Variants in SPAG17 observed in about 807,000 individuals in gnomAD.
SPAG17 encodes sperm associated antigen 17, also known as sperm-associated antigen 17.
In SPAG17, 169 loss-of-function variants were observed where a neutral mutation model predicts 273.6. That is an observed-to-expected ratio of 0.62 (90% CI 0.55 to 0.70). The LOEUF (loss-of-function observed/expected upper bound fraction) is 0.70, where lower values mean the gene tolerates loss of function less well. SPAG17 is among the 30% of genes least tolerant of loss of function. SPAG17 has a pLI of 0.00. For missense variants in SPAG17, 2,557 were observed against 2,627.8 expected (o/e 0.97, Z 0.59); for synonymous variants, 825 against 873.2 (o/e 0.94, Z 0.97).
At chr1:118,038,526 C>T (rs1349198154) in intron 23 of SPAG17, among the ~76,000 whole-genome samples, 1 of 152,136 alleles carries the variant, frequency 6.6e-6, no homozygotes, top group Non-Finnish European at 1.5e-5. Context: ...ACCAAGATGT[C>T]CTTCAGTAGG....
In SPAG17 at chr1:118,054,011, G is replaced by A; in HGVS notation, c.2805C>T (p.Gly935=). 1 of 1,605,476 alleles carries A rather than the reference G, an allele frequency of 6.2e-7. No homozygotes were observed. Among genetic ancestry groups the A allele is most frequent in the East Asian group, 2.2e-5 (1 of 44,808 alleles). ...ATGTAAGCTGGATTACCTTGAGAGA[G>A]CCTTCTAAAATGAAAGGAATCTTTT... ...EKEKIPFILE[G]SLKAWKEEQH... The change falls in exon 20 of 49, where the codon GGC becomes GGT. Residue 935 remains glycine, a synonymous_variant. Transcript: ENST00000336338.
chr1:118,017,513 G>A (rs1040989307), intron 28 of SPAG17, among the ~76,000 whole-genome samples: 8 of 152,124 alleles, frequency 5.3e-5, no homozygotes, highest in Non-Finnish European at 1.0e-4. Context: ...GACTTTAGCA[G>A]TACGTTAGAG....
At chr1:118,089,561 G>T (rs948338895) in intron 10 of SPAG17, among the ~76,000 whole-genome samples, 3 of 152,092 alleles carry the variant, frequency 2.0e-5, no homozygotes, top group African/African-American at 7.2e-5. Context: ...CCTAACAGCT[G>T]CTAGAAAGAA....
chr1:118,108,705 T>C lies in SPAG17; in HGVS notation c.447+6605A>G, dbSNP rs1404503543. On this transcript the variant is annotated intron_variant, in intron 4 of 48. Transcript: ENST00000336338. ...AAGAGTCAAGTTTGCCACAGATTAC[T>C]TTTTTTTTTTTTTAATGCAGTATGT... 3.0e-5 allele frequency among the ~76,000 whole-genome samples: 4 copies of C among 135,486 alleles called. No homozygotes were observed. In the East Asian group the frequency reaches 8.3e-4, roughly 28 times the overall value. 88.9% of individuals were successfully genotyped at this position (135,486 alleles called of 152,430 possible).
chr1:118,163,023 T>C lies in SPAG17; in HGVS notation c.88-11654A>G, dbSNP rs139845446. Among the ~76,000 whole-genome samples the C allele has an allele frequency of 2.9e-3, 445 of 152,290 alleles. 2 individuals carry two copies. Among genetic ancestry groups the C allele is most frequent in the Non-Finnish European group, 4.7e-3 (317 of 68,016 alleles). On this transcript the variant is annotated intron_variant, in intron 1 of 48. Coordinates refer to ENST00000336338, the MANE Select transcript of SPAG17 (RefSeq NM_206996.4). The stretch of plus-strand genomic sequence containing the variant: ...TTCCATCCATATTAGTGTTTGCTTC[T>C]GAGAAGAAAGAGAAAGAAATGGAAC...
intron 45 of SPAG17, among the ~76,000 whole-genome samples, chr1:117,970,697 G>A (rs1160059951): frequency 6.6e-6 from 1 of 152,126 alleles, no homozygotes; most frequent in Non-Finnish European, 1.5e-5. Flanking sequence ...AAATTAAAAT[G>A]CCAAGGAAAG....
At chr1:118,083,529 G>C (rs960983290) in intron 13 of SPAG17, among the ~76,000 whole-genome samples, 17 of 152,008 alleles carry the variant, frequency 1.1e-4, no homozygotes, top group Admixed American at 1.0e-3. Context: ...GCTCGCTCCT[G>C]TAATCCCAGC....
At chr1:117,957,042 T>G (rs1557829384) in intron 48 of SPAG17, 2 of 1,535,168 alleles carry the variant, frequency 1.3e-6, no homozygotes, top group East Asian at 2.4e-5. Flanking sequence ...AATGTGGCAT[T>G]TTTATATTTA....
chr1:118,179,619 C>T (rs1407699613), intron 1 of SPAG17, among the ~76,000 whole-genome samples: 1 of 151,918 alleles, frequency 6.6e-6, no homozygotes, highest in Non-Finnish European at 1.5e-5. Context: ...AAAAGCTCTG[C>T]ACAGCAAAGA....
chr1:118,045,138 C>A lies in SPAG17; in HGVS notation c.2815-3096G>T, dbSNP rs1278006971. Among the ~76,000 whole-genome samples, 3 of 152,148 alleles carry A rather than the reference C, an allele frequency of 2.0e-5. No homozygotes were observed. In the South Asian group the frequency reaches 6.2e-4, roughly 32 times the overall value. On this transcript the variant is annotated intron_variant, in intron 20 of 48. Transcript: ENST00000336338. ...GTATAATAAGAAACAGATATTTGGTCATCATTCCTGGCTACTGGCACAGAG... is the reference window on the plus strand; with the variant it reads ...GTATAATAAGAAACAGATATTTGGTAATCATTCCTGGCTACTGGCACAGAG...
intron 27 of SPAG17, among the ~76,000 whole-genome samples, chr1:118,024,073 AT>A (rs1316050601): frequency 6.6e-6 from 1 of 152,178 alleles, no homozygotes; most frequent in East Asian, 1.9e-4. Flanking sequence ...CAGTCCTAAA[AT>A]TGCATGATGG....
chr1:118,122,701 G>C (rs1036943002), intron 3 of SPAG17, among the ~76,000 whole-genome samples: 5 of 152,186 alleles, frequency 3.3e-5, no homozygotes, highest in African/African-American at 1.2e-4. Flanking sequence ...AATATGAGTA[G>C]TGCTGACTTC....
At chr1:118,023,708 CT>C (rs372695473) in intron 27 of SPAG17, among the ~76,000 whole-genome samples, 24 of 152,036 alleles carry the variant, frequency 1.6e-4, no homozygotes, top group African/African-American at 4.3e-4. Flanking sequence ...TATTTTGTTT[CT>C]TTTCTTTTTA....
At chr1:118,111,273 C>T (rs926404549) in intron 4 of SPAG17, among the ~76,000 whole-genome samples, 1 of 152,042 alleles carries the variant, frequency 6.6e-6, no homozygotes, top group Non-Finnish European at 1.5e-5. Flanking sequence ...CTGGGGGGGT[C>T]ATTTATTATT....
intron 3 of SPAG17, among the ~76,000 whole-genome samples, chr1:118,122,300 G>C (rs897505332): frequency 2.6e-5 from 4 of 152,166 alleles, no homozygotes; most frequent in Non-Finnish European, 5.9e-5. Context: ...CTTGTATTGA[G>C]ATGTTCTCAC....
intron 3 of SPAG17, among the ~76,000 whole-genome samples, chr1:118,137,085 C>T (rs562739617): frequency 1.3e-4 from 20 of 152,042 alleles, no homozygotes; most frequent in African/African-American, 4.8e-4. Flanking sequence ...ATCTTTTTTT[C>T]CCTCAATGAT....
intron 48 of SPAG17, chr1:117,955,124 G>C: frequency 2.1e-6 from 1 of 477,090 alleles, no homozygotes; most frequent in Admixed American, 3.9e-5. Flanking sequence ...TTGTAGCATA[G>C]TTGGTAAGGG....
At chr1:118,016,706 C>A (rs1660018050) in intron 28 of SPAG17, among the ~76,000 whole-genome samples, 1 of 152,190 alleles carries the variant, frequency 6.6e-6, no homozygotes, top group Non-Finnish European at 1.5e-5. Flanking sequence ...CCTCACCAGC[C>A]ACGCATATCC....
At chr1:118,063,287 A>C (rs1652554191) in intron 18 of SPAG17, among the ~76,000 whole-genome samples, 1 of 152,218 alleles carries the variant, frequency 6.6e-6, no homozygotes, top group South Asian at 2.1e-4. Context: ...GTCAATCTTC[A>C]GCCAAAAGAA....
Sources: allele counts gnomAD v4.1 joint callset (sites outside exome capture counted in the v4.1 genomes callset), GRCh38; gene constraint gnomAD v4.1.1; transcripts MANE v1.5; gene names NCBI Gene and HGNC (gene_info 2026-07-23, HGNC 2026-07-21).